Variants in TET1 observed in about 807,000 individuals in gnomAD.
The protein encoded by TET1 is tet methylcytosine dioxygenase 1.
A neutral mutation model predicts 148.7 loss-of-function variants in TET1; 13 were observed. The ratio of observed to expected loss-of-function variants is 0.09; its 90% CI spans 0.06 to 0.14. The LOEUF is 0.14. Ranked by LOEUF, TET1 falls within the 10% of genes least tolerant of loss-of-function variation. The pLI, the probability that TET1 is intolerant of heterozygous loss-of-function variation, is 1.00. For missense variants in TET1, 2,182 were observed against 2,553.8 expected (o/e 0.85, Z 3.14); for synonymous variants, 907 against 937.2 (o/e 0.97, Z 0.59).
chr10:68,609,872 G>C (rs1363326538), intron 3 of TET1, among the ~76,000 whole-genome samples: 1 of 151,954 alleles, frequency 6.6e-6, no homozygotes. Context: ...GTTAGGCAGG[G>C]CACAGTGGCT....
rs1291791145 is a variant in TET1 at position 68,692,871 on chromosome 10, A to G, written c.*1057A>G. ...GGTTTCAGAAGAGTCAAATGCTTCT[A>G]ATGTCTCAAGGTGATAAAATACAAA... On this transcript the variant is annotated 3_prime_UTR_variant, in exon 12 of 12. Coordinates refer to ENST00000373644, the MANE Select transcript of TET1 (RefSeq NM_030625.3). The G allele has an allele frequency of 1.7e-5, 4 of 231,848 alleles. No homozygotes were observed. The highest frequency in any genetic ancestry group is 8.8e-5 in the African/African-American group (4 of 45,350). 14.4% of individuals were successfully genotyped at this position (231,848 alleles called of 1,614,324 possible).
At chr10:68,606,250 G>A (rs985194487) in intron 3 of TET1, among the ~76,000 whole-genome samples, 1 of 151,294 alleles carries the variant, frequency 6.6e-6, no homozygotes, top group East Asian at 2.2e-4. Flanking sequence ...GCCTGTAATC[G>A]CAGCTAATTG....
At chr10:68,571,484 TTG>T in intron 1 of TET1, among the ~76,000 whole-genome samples, 1 of 151,706 alleles carries the variant, frequency 6.6e-6, no homozygotes. Flanking sequence ...TTTTTTTTTT[TTG>T]GCCAGGCTAG....
At chr10:68,643,907 AT>A (rs955244975) in intron 3 of TET1, among the ~76,000 whole-genome samples, 26 of 150,760 alleles carry the variant, frequency 1.7e-4, no homozygotes, top group African/African-American at 6.2e-4. Context: ...TTATTTTTTT[AT>A]TTTTTATTTT....
At chr10:68,630,935 G>A (rs886982811) in intron 3 of TET1, among the ~76,000 whole-genome samples, 2 of 152,156 alleles carry the variant, frequency 1.3e-5, no homozygotes, top group African/African-American at 2.4e-5. Flanking sequence ...CCAATACTTT[G>A]GGAGGCTGAG....
intron 6 of TET1, among the ~76,000 whole-genome samples, chr10:68,661,818 A>ACACACACACAC (rs1554809964): frequency 0.019 from 2,812 of 150,604 alleles, 54 homozygotes; most frequent in East Asian, 0.084. Flanking sequence ...TTGTTAAAAA[A>ACACACACACAC]ACACACACAC....
At chr10:68,639,056 G>A (rs1401153272) in intron 3 of TET1, among the ~76,000 whole-genome samples, 1 of 143,330 alleles carries the variant, frequency 7.0e-6, no homozygotes, top group African/African-American at 2.6e-5. Flanking sequence ...TTTTAAAAGT[G>A]ATATGAAATA....
At chr10:68,638,716 T>C (rs2054691721) in intron 3 of TET1, among the ~76,000 whole-genome samples, 1 of 151,924 alleles carries the variant, frequency 6.6e-6, no homozygotes. Flanking sequence ...GTTGTTGTTG[T>C]TTTTGGAGTA....
At chr10:68,569,051 A>G (rs1264997988) in intron 1 of TET1, among the ~76,000 whole-genome samples, 1 of 152,100 alleles carries the variant, frequency 6.6e-6, no homozygotes, top group Non-Finnish European at 1.5e-5. Flanking sequence ...TAATTTGTCA[A>G]TACTGTCTCC....
At chr10:68,586,362 G>C (rs2053861068) in intron 2 of TET1, among the ~76,000 whole-genome samples, 1 of 152,144 alleles carries the variant, frequency 6.6e-6, no homozygotes, top group East Asian at 1.9e-4. Flanking sequence ...ATTTTTAGCA[G>C]AGACAGGGTT....
Position 68,573,461 on chromosome 10 carries a change from C to G in TET1, c.1123C>G (p.Gln375Glu), listed in dbSNP as rs1413140977. The change falls in exon 2 of 12, where the codon CAA (glutamine) becomes GAA (glutamate). Residue 375 changes from glutamine (Q) to glutamate (E), a missense_variant. Around this residue, in one of 11 missense-constraint regions of TET1, gnomAD observed 665 missense variants for 672.4 expected, o/e 0.99. Coordinates refer to ENST00000373644, the MANE Select transcript of TET1 (RefSeq NM_030625.3). ...LGQAFGAIPH[Q>E]WELPGADPVH... is the part of the protein sequence containing the mutation. ...ACAGGCCTTTGGTGCTATCCCACAT[C>G]AATGGGAACTTCCTGGTGCTGACCC... 1 of 1,614,216 alleles carries G rather than the reference C, an allele frequency of 6.2e-7. No individual in the cohort carries two copies. The highest frequency in any genetic ancestry group is 1.3e-5 in the African/African-American group (1 of 75,058).
chr10:68,586,431 G>T (rs2053861756), intron 2 of TET1, among the ~76,000 whole-genome samples: 1 of 150,120 alleles, frequency 6.7e-6, no homozygotes, highest in African/African-American at 2.4e-5. Context: ...GCTTGCCTCG[G>T]CCTCCCAGCT....
rs1378359525 is a variant in TET1 at position 68,622,215 on chromosome 10, TTCCTTCCCTCCTTCCTCCCTTCCC to T, written c.1968+21185_1968+21208del. Among the ~76,000 whole-genome samples the T allele has an allele frequency of 2.8e-3, 214 of 75,760 alleles. 2 individuals carry two copies. Among genetic ancestry groups the T allele is most frequent in the African/African-American group, 7.1e-3 (193 of 27,062 alleles). The allele number at this position is 75,760 out of a possible 152,430, so 49.7% of individuals were successfully genotyped here. ...CTTCCTTCCTTCCTTCCTTCCTTCCTTCCTTCCCTCCTTCCTCCCTTCCCTCCCTCCCTCCCTCCTTCCCTCTCT... is the reference window on the plus strand; with the variant it reads ...CTTCCTTCCTTCCTTCCTTCCTTCCTTCCCTCCCTCCCTCCTTCCCTCTCT... On this transcript the variant is annotated intron_variant, in intron 3 of 11. Transcript: ENST00000373644.
intron 6 of TET1, among the ~76,000 whole-genome samples, chr10:68,655,693 T>C (rs2055011328): frequency 6.6e-6 from 1 of 152,230 alleles, no homozygotes; most frequent in African/African-American, 2.4e-5. Context: ...AAGGCAAATA[T>C]AAATGCTGTA....
At chr10:68,583,826 G>A (rs190721751) in intron 2 of TET1, among the ~76,000 whole-genome samples, 204 of 152,004 alleles carry the variant, frequency 1.3e-3, no homozygotes, top group Non-Finnish European at 1.9e-3. Flanking sequence ...CAAGAGGATC[G>A]CTTGAACCTG....
chr10:68,607,843 T>C (rs1017193251), intron 3 of TET1, among the ~76,000 whole-genome samples: 1 of 148,888 alleles, frequency 6.7e-6, no homozygotes, highest in Non-Finnish European at 1.5e-5. Context: ...TATATAAATA[T>C]AAATATATAT....
Position 68,645,083 on chromosome 10 carries a change from C to T in TET1, c.2354C>T (p.Thr785Ile), listed in dbSNP as rs752031507. 1 of 1,612,104 alleles carries T rather than the reference C, an allele frequency of 6.2e-7. No homozygotes were observed. The highest frequency in any genetic ancestry group is 8.5e-7 in the Non-Finnish European group (1 of 1,179,456). ...KKFNIEEFGK[T>I]LENNSYKFLK... ...TTCAATATTGAAGAATTCGGCAAGACATTGGAAAACAATTCTTATAAATTC... is the reference window on the plus strand; with the variant it reads ...TTCAATATTGAAGAATTCGGCAAGATATTGGAAAACAATTCTTATAAATTC... Residue 785 changes from threonine (T) to isoleucine (I), a missense_variant, in exon 4 of 12, where the codon ACA becomes ATA. Coordinates refer to ENST00000373644, the MANE Select transcript of TET1 (RefSeq NM_030625.3).
chr10:68,640,038 A>G (rs536145214), intron 3 of TET1, among the ~76,000 whole-genome samples: 2 of 143,730 alleles, frequency 1.4e-5, no homozygotes, highest in South Asian at 4.5e-4. Context: ...AGCGATTTTC[A>G]TGCTTTAGCC....
At chr10:68,640,873 T>C (rs1457698840) in intron 3 of TET1, among the ~76,000 whole-genome samples, 2 of 151,818 alleles carry the variant, frequency 1.3e-5, no homozygotes, top group Non-Finnish European at 2.9e-5. Context: ...CTTACATCTC[T>C]TGTGTATGTA....
Sources: allele counts gnomAD v4.1 joint callset (sites outside exome capture counted in the v4.1 genomes callset), GRCh38; gene constraint gnomAD v4.1.1; regional missense constraint gnomAD v4.1.1; transcripts MANE v1.5; gene names NCBI Gene and HGNC (gene_info 2026-07-23, HGNC 2026-07-21).